SMOC1: variants seen among roughly 807,000 people sequenced by gnomAD.
SMOC1 encodes the protein SPARC-related modular calcium-binding protein 1.
SMOC1 carries 22 observed loss-of-function variants against 56.3 expected under a neutral mutation model. That is an observed-to-expected ratio of 0.39 (90% CI 0.28 to 0.56). The LOEUF (loss-of-function observed/expected upper bound fraction) is 0.56. Ranked by LOEUF, SMOC1 falls within the 20% of genes least tolerant of loss-of-function variation. The pLI is 0.61. For missense variants in SMOC1, 509 were observed against 565.4 expected (o/e 0.90, Z 1.01); for synonymous variants, 193 against 215.0 (o/e 0.90, Z 0.89).
At chr14:69,905,983 G>T (rs1050535373) in intron 1 of SMOC1, among the ~76,000 whole-genome samples, 1 of 152,082 alleles carries the variant, frequency 6.6e-6, no homozygotes, top group Non-Finnish European at 1.5e-5. Context: ...GATGGGAGTC[G>T]GTGTGGATAA....
chr14:69,938,390 A>G (rs972161252), intron 1 of SMOC1, among the ~76,000 whole-genome samples: 30 of 152,150 alleles, frequency 2.0e-4, no homozygotes, highest in Admixed American at 1.4e-3. Flanking sequence ...ATGCGAGTGG[A>G]TAAATATTTT....
intron 7 of SMOC1, among the ~76,000 whole-genome samples, chr14:70,008,618 G>A (rs767734235): frequency 9.9e-5 from 15 of 152,162 alleles, no homozygotes; most frequent in Non-Finnish European, 1.3e-4. Flanking sequence ...GTGAAGTCAG[G>A]TTCATTATTT....
intron 1 of SMOC1, among the ~76,000 whole-genome samples, chr14:69,924,595 C>A (rs1336680420): frequency 6.6e-6 from 1 of 151,492 alleles, no homozygotes; most frequent in Admixed American, 6.6e-5. Flanking sequence ...CCTCTCTCCC[C>A]TCCCCCACAT....
At chr14:69,922,423 G>A (rs1197170690) in intron 1 of SMOC1, among the ~76,000 whole-genome samples, 5 of 152,162 alleles carry the variant, frequency 3.3e-5, no homozygotes, top group African/African-American at 1.2e-4. Context: ...GTGGCCCAAG[G>A]CTAGCTGAAC....
chr14:69,992,509 C>T (rs946271369), intron 6 of SMOC1, 36 bp downstream of exon 6: 2 of 1,479,372 alleles, frequency 1.4e-6, no homozygotes, highest in Non-Finnish European at 1.9e-6. Context: ...TTCATTCTCC[C>T]ACTCATTTTC....
chr14:70,003,557 G>C (rs576859916), intron 7 of SMOC1, among the ~76,000 whole-genome samples: 11 of 152,266 alleles, frequency 7.2e-5, no homozygotes, highest in Admixed American at 7.2e-4. Flanking sequence ...GCAATAGAAG[G>C]GTTCTTGGAC....
At chr14:69,918,599 C>A (rs1884750208) in intron 1 of SMOC1, among the ~76,000 whole-genome samples, 1 of 152,128 alleles carries the variant, frequency 6.6e-6, no homozygotes, top group Admixed American at 6.5e-5. Flanking sequence ...CATCACTTAC[C>A]AGCTGGTGAC....
chr14:69,974,245 T>C (rs1010083873), intron 3 of SMOC1, among the ~76,000 whole-genome samples: 1 of 151,918 alleles, frequency 6.6e-6, no homozygotes, highest in East Asian at 1.9e-4. Context: ...GGCTGTGATT[T>C]TGGGGGCCCC....
Position 70,030,549 on chromosome 14 carries a change from G to T in SMOC1, c.*291G>T, listed in dbSNP as rs1366445041. 3.7e-5 allele frequency: 10 copies of T among 270,148 alleles called. No individual in the cohort carries two copies. Among genetic ancestry groups the T allele is most frequent in the South Asian group, 1.7e-4 (2 of 11,610 alleles). The allele number at this position is 270,148 out of a possible 1,614,324, so 16.7% of individuals were successfully genotyped here. On this transcript the variant is annotated 3_prime_UTR_variant, in exon 12 of 12. Transcript: ENST00000361956. ...ACAACTTTTAGAGGGTTTTGGGGGG[G>T]TGGGGGAGGGTGTTGTTGGGGCTGA...
At chr14:69,890,931 A>C (rs929069022) in intron 1 of SMOC1, among the ~76,000 whole-genome samples, 1 of 152,204 alleles carries the variant, frequency 6.6e-6, no homozygotes, top group African/African-American at 2.4e-5. Flanking sequence ...TCATAGCAGC[A>C]TTTTCTGGTG....
At chr14:69,992,015 G>A (rs1191183840) in intron 5 of SMOC1, among the ~76,000 whole-genome samples, 1 of 152,120 alleles carries the variant, frequency 6.6e-6, no homozygotes, top group African/African-American at 2.4e-5. Flanking sequence ...ATAATTTGAT[G>A]CCATAAGGAT....
intron 1 of SMOC1, among the ~76,000 whole-genome samples, chr14:69,930,799 G>C (rs1402847156): frequency 6.6e-6 from 1 of 152,230 alleles, no homozygotes; most frequent in Non-Finnish European, 1.5e-5. Context: ...CTGGAGCTGG[G>C]AATGCAGGGG....
rs148804962 is a variant in SMOC1, at chr14:69,917,605, C to T, written c.100-34533C>T. 3.9e-3 allele frequency among the ~76,000 whole-genome samples: 599 copies of T among 152,304 alleles called. 3 individuals carry two copies. Among genetic ancestry groups the T allele is most frequent in the African/African-American group, 0.014 (564 of 41,568 alleles). Reference sequence around the variant, plus strand: ...GAACACAAGACAGTGTGTGTGCTGGCGGTCTTCAGCGGGTTACACTTCGGA... The same window carrying T: ...GAACACAAGACAGTGTGTGTGCTGGTGGTCTTCAGCGGGTTACACTTCGGA... On this transcript the variant is annotated intron_variant, in intron 1 of 11. Coordinates refer to ENST00000361956, the MANE Select transcript of SMOC1 (RefSeq NM_001034852.3).
chr14:69,919,364 G>C (rs1884771343), intron 1 of SMOC1, among the ~76,000 whole-genome samples: 1 of 152,126 alleles, frequency 6.6e-6, no homozygotes, highest in South Asian at 2.1e-4. Context: ...GTCTTGTTCA[G>C]CCTGTGTTGC....
intron 10 of SMOC1, among the ~76,000 whole-genome samples, chr14:70,020,110 C>T (rs1885655091): frequency 1.3e-5 from 2 of 151,952 alleles, no homozygotes; most frequent in South Asian, 4.1e-4. Context: ...CTAGAGCCTC[C>T]ATTCCTCTAG....
At chr14:69,951,328 A>T (rs1297126318) in intron 1 of SMOC1, among the ~76,000 whole-genome samples, 2 of 152,026 alleles carry the variant, frequency 1.3e-5, no homozygotes, top group African/African-American at 4.8e-5. Flanking sequence ...AGGAAATTAG[A>T]CTCCATAGCT....
intron 1 of SMOC1, among the ~76,000 whole-genome samples, chr14:69,900,998 T>C (rs1354634786): frequency 2.0e-5 from 3 of 152,204 alleles, no homozygotes; most frequent in African/African-American, 7.2e-5. Flanking sequence ...TGACATGAAA[T>C]TGGGAATCTC....
intron 7 of SMOC1, among the ~76,000 whole-genome samples, chr14:70,007,520 T>C (rs559924254): frequency 6.6e-6 from 1 of 152,320 alleles, no homozygotes; most frequent in African/African-American, 2.4e-5. Context: ...CATTTGATTT[T>C]GAATGCAGCA....
intron 10 of SMOC1, 104 bp downstream of exon 10, chr14:70,013,595 A>G (rs1425786021): frequency 1.1e-6 from 1 of 950,996 alleles, no homozygotes; most frequent in Non-Finnish European, 1.7e-6. Context: ...GAGGAGGGCA[A>G]GGGCTGGAAG....
Sources: allele counts gnomAD v4.1 joint callset (sites outside exome capture counted in the v4.1 genomes callset), GRCh38; gene constraint gnomAD v4.1.1; transcripts MANE v1.5; gene names NCBI Gene and HGNC (gene_info 2026-07-23, HGNC 2026-07-21).